ZFX: variants seen among roughly 807,000 people sequenced by gnomAD.
The protein encoded by ZFX is zinc finger X-chromosomal protein.
For synonymous variants in ZFX, 196 were observed against 226.8 expected, an observed-to-expected ratio of 0.86 and a Z score of 1.22; for missense variants, 362 against 628.3, an observed-to-expected ratio of 0.58 and a Z score of 4.53.
chrX:24,149,389 A>C (rs1206975589), upstream of ZFX: 5 of 108,915 alleles, frequency 4.6e-5, no homozygotes, highest in Non-Finnish European at 9.7e-5. Context: ...CGGCGGCGGC[A>C]GCGGCGCGTG....
chrX:24,163,295 A>T (rs1257700418), intron 3 of ZFX, among the ~76,000 whole-genome samples: 11 of 37,000 alleles, frequency 3.0e-4, no homozygotes, highest in African/African-American at 5.2e-4. Flanking sequence ...GACGGATCAT[A>T]TTTGCGGATA....
intron 3 of ZFX, among the ~76,000 whole-genome samples, chrX:24,154,521 A>T (rs1932586067): frequency 8.9e-6 from 1 of 111,937 alleles, no homozygotes; most frequent in South Asian, 3.7e-4. Context: ...ATTCCTGGGG[A>T]TCCCTAAGAT....
intron 6 of ZFX, 98 bp downstream of exon 6, chrX:24,207,573 G>A (rs1469197724): frequency 8.8e-7 from 1 of 1,130,140 alleles, no homozygotes; most frequent in Admixed American, 2.7e-5. Flanking sequence ...AGTCTCTTCT[G>A]AAGTAACTTT....
chrX:24,197,462 C>T (rs1439559838), intron 5 of ZFX, among the ~76,000 whole-genome samples: 1 of 111,249 alleles, frequency 9.0e-6, no homozygotes, highest in Admixed American at 9.6e-5. Flanking sequence ...AGCATATAGC[C>T]AAGGACAGAG....
chrX:24,199,178 A>G (rs1399692917), intron 5 of ZFX, among the ~76,000 whole-genome samples: 2 of 111,214 alleles, frequency 1.8e-5, no homozygotes, highest in East Asian at 5.7e-4. Flanking sequence ...AAGTCACACG[A>G]GGGCTGAGAA....
At chrX:24,163,975 T>G (rs1429122490) in intron 3 of ZFX, among the ~76,000 whole-genome samples, 1 of 97,902 alleles carries the variant, frequency 1.0e-5, no homozygotes, top group Non-Finnish European at 2.1e-5. Flanking sequence ...TTTTTTTCTG[T>G]TTTTTTTTTT....
In ZFX at chrX:24,214,076, A is replaced by T. The variant is rs1485739840; in HGVS notation, c.*2700A>T. 8.9e-6 allele frequency: 1 copy of T among 112,067 alleles called. No individual in the cohort carries two copies. The highest frequency in any genetic ancestry group is 1.9e-5 in the Non-Finnish European group (1 of 53,095). The allele number at this position is 112,067 out of a possible 1,213,427, so 9.2% of individuals were successfully genotyped here. On this transcript the variant is annotated 3_prime_UTR_variant, in exon 10 of 10. Transcript: ENST00000304543. ...AATATGATAAAACATACTTGTCTGTATAAAGAGAAAATGAAATTGTAGTCA... is the reference window on the plus strand; with the variant it reads ...AATATGATAAAACATACTTGTCTGTTTAAAGAGAAAATGAAATTGTAGTCA...
chrX:24,167,859 C>T (rs1038318395), intron 3 of ZFX, among the ~76,000 whole-genome samples: 1 of 111,951 alleles, frequency 8.9e-6, no homozygotes, highest in East Asian at 2.8e-4. Flanking sequence ...TTCCTAAGTT[C>T]AAGAAGGGCT....
chrX:24,210,062 A>ATG (rs1455303086), intron 9 of ZFX, 131 bp from the exon 10 acceptor site: 2 of 831,340 alleles, frequency 2.4e-6, no homozygotes, highest in Admixed American at 6.4e-5. Context: ...AGTAAAAGGA[A>ATG]TGTTAAGCAG....
At chrX:24,162,952 C>CT (rs1395146186) in intron 3 of ZFX, among the ~76,000 whole-genome samples, 1 of 111,506 alleles carries the variant, frequency 9.0e-6, no homozygotes, top group Admixed American at 9.6e-5. Flanking sequence ...ATAACGTGGT[C>CT]TTTCGTGTCT....
At chrX:24,155,613 A>G (rs1391570254) in intron 3 of ZFX, among the ~76,000 whole-genome samples, 2 of 112,416 alleles carry the variant, frequency 1.8e-5, no homozygotes, top group Admixed American at 9.4e-5. Flanking sequence ...GGAATTGCCA[A>G]AATGGCAAAT....
intron 8 of ZFX, 22 bp from the exon 9 acceptor site, chrX:24,208,878 G>GT (rs755509438): frequency 2.5e-6 from 3 of 1,196,539 alleles, no homozygotes; most frequent in South Asian, 3.6e-5. Flanking sequence ...GTATAATTTT[G>GT]TTTTTTAATA....
intron 4 of ZFX, chrX:24,177,875 CAT>C: frequency 2.7e-6 from 2 of 745,781 alleles, no homozygotes; most frequent in South Asian, 6.8e-5. Flanking sequence ...AGGTAAAACA[CAT>C]ATAATGAAGG....
chrX:24,149,206 T>A (rs1224824942), upstream of ZFX: 7 of 109,572 alleles, frequency 6.4e-5, no homozygotes, highest in African/African-American at 2.3e-4. Flanking sequence ...TCTGAGGGCC[T>A]GCAAACAACT....
At position 24,210,327 on chromosome X, in the gene ZFX, C is replaced by T. The variant is rs887269226; in HGVS notation, c.1369C>T (p.Arg457Cys). The change falls in exon 10 of 10, where the codon CGC becomes TGC. Residue 457 changes from arginine (R) to cysteine (C), a missense_variant. Transcript: ENST00000304543. Reference sequence around the variant, plus strand: ...CGAACACCTTGCCAAGAAGAAATACCGCTGTACTGACTGTGATTACACTAC... The same window carrying T: ...CGAACACCTTGCCAAGAAGAAATACTGCTGTACTGACTGTGATTACACTAC... ...HPEHLAKKKY[R>C]CTDCDYTTNK... 12 of 1,211,487 alleles carry T rather than the reference C, an allele frequency of 9.9e-6. No individual in the cohort carries two copies. Among genetic ancestry groups the T allele is most frequent in the South Asian group, 1.8e-5 (1 of 56,950 alleles).
chrX:24,150,112 C>G (rs1165883665), intron 1 of ZFX: 1 of 97,128 alleles, frequency 1.0e-5, no homozygotes, highest in South Asian at 4.7e-4. Context: ...GGCGAGGAGG[C>G]GAAGGCTGCA....
chrX:24,184,365 C>T (rs997881616), intron 5 of ZFX, among the ~76,000 whole-genome samples: 1 of 111,393 alleles, frequency 9.0e-6, no homozygotes, highest in Non-Finnish European at 1.9e-5. Flanking sequence ...ACTTTCTGCC[C>T]TTTCTGTCTT....
chrX:24,207,571 C>A (rs1937682089), intron 6 of ZFX, 96 bp downstream of exon 6: 2 of 1,128,929 alleles, frequency 1.8e-6, no homozygotes, highest in South Asian at 4.3e-5. Context: ...GGAGTCTCTT[C>A]TGAAGTAACT....
chrX:24,159,334 A>G (rs1457718052), intron 3 of ZFX, among the ~76,000 whole-genome samples: 2 of 112,436 alleles, frequency 1.8e-5, no homozygotes, highest in Non-Finnish European at 3.8e-5. Context: ...GGATATTCGC[A>G]TATCTTTGTT....
Sources: allele counts gnomAD v4.1 joint callset (sites outside exome capture counted in the v4.1 genomes callset), GRCh38; gene constraint gnomAD v4.1.1; transcripts MANE v1.5; gene names NCBI Gene and HGNC (gene_info 2026-07-23, HGNC 2026-07-21).